TRIM35: variants seen among roughly 807,000 people sequenced by gnomAD.
The protein encoded by TRIM35 is tripartite motif containing 35.
Under a neutral mutation model 49.1 loss-of-function variants are expected in TRIM35, and 37 were observed. That is an observed-to-expected ratio of 0.75 (90% confidence interval 0.58 to 0.99). The LOEUF is 0.99. Ranked by LOEUF, TRIM35 falls within the 50% of genes least tolerant of loss-of-function variation. The pLI, the probability that TRIM35 is intolerant of heterozygous loss-of-function variation, is 0.00. For missense variants in TRIM35, 648 were observed against 702.7 expected (o/e 0.92, Z 0.88); for synonymous variants, 302 against 289.3 (o/e 1.04, Z -0.45).
At chr8:27,289,134 TG>T (rs1261788999) in intron 5 of TRIM35, 27 bp downstream of exon 5, 1 of 1,595,264 alleles carries the variant, frequency 6.3e-7, no homozygotes, top group Non-Finnish European at 8.6e-7. Flanking sequence ...CACCCATGCT[TG>T]GGACACCTGC....
intron 1 of TRIM35, among the ~76,000 whole-genome samples, chr8:27,299,968 AAGTGATAC>A (rs1430404310): frequency 2.0e-5 from 3 of 152,194 alleles, no homozygotes; most frequent in African/African-American, 7.2e-5. Flanking sequence ...AGAATGTGGC[AAGTGATAC>A]TAAGTCACCT....
intron 4 of TRIM35, among the ~76,000 whole-genome samples, 175 bp from the exon 5 acceptor site, chr8:27,289,455 A>G (rs1441155304): frequency 6.6e-6 from 1 of 152,242 alleles, no homozygotes; most frequent in Non-Finnish European, 1.5e-5. Flanking sequence ...GCCAAGGCCA[A>G]CAGGGCTGCC....
chr8:27,295,632 G>A (rs571962909), intron 2 of TRIM35, among the ~76,000 whole-genome samples: 2 of 152,314 alleles, frequency 1.3e-5, no homozygotes, highest in East Asian at 1.9e-4. Flanking sequence ...AAAGCACTGA[G>A]TGTCTCATGT....
In TRIM35 at chr8:27,287,369, C is replaced by G; in HGVS notation, c.*181G>C. 2.9e-6 allele frequency: 2 copies of G among 690,628 alleles called. No homozygotes were observed. The highest frequency in any genetic ancestry group is 4.7e-6 in the Non-Finnish European group (2 of 424,598). 42.8% of individuals were successfully genotyped at this position (690,628 alleles called of 1,614,324 possible). ...CCCGAATAGCTCCTGACCATGGGCACAGAAGGGACCAAACATGGAGAGAGG... is the reference window on the plus strand; with the variant it reads ...CCCGAATAGCTCCTGACCATGGGCAGAGAAGGGACCAAACATGGAGAGAGG... On this transcript the variant is annotated 3_prime_UTR_variant, in exon 6 of 6. Transcript: ENST00000305364. The surrounding 1 kb of genome is among the most constrained non-coding windows in gnomAD (Gnocchi z 6.0).
At position 27,287,918 on chromosome 8, in the gene TRIM35, C is replaced by A. The variant is rs775082529; in HGVS notation, c.1114G>T (p.Val372Leu). 6.2e-7 allele frequency: 1 copy of A among 1,612,930 alleles called. No homozygotes were observed. Among genetic ancestry groups the A allele is most frequent in the African/African-American group, 1.3e-5 (1 of 74,918 alleles). ...LGGLQSWRVG[V>L]VRVRQDSGAE... ...CCCGAGTCCTGGCGCACACGTACCA[C>A]GCCCACCCTCCAGCTCTGCAGCCCC... The change falls in exon 6 of 6, where the codon GTG becomes TTG. Residue 372 changes from valine to leucine, a missense_variant. Transcript: ENST00000305364. This position sits in a 1 kb window ranked among gnomAD's most constrained non-coding sequence, Gnocchi z 6.0.
At chr8:27,303,586 G>C (rs1802722581) in intron 1 of TRIM35, among the ~76,000 whole-genome samples, 1 of 152,252 alleles carries the variant, frequency 6.6e-6, no homozygotes, top group Admixed American at 6.5e-5. Context: ...GGCAGTAGCA[G>C]GGGCCCACAA....
rs767258025 is a variant in TRIM35, at chr8:27,298,489, T to C, written c.506A>G (p.Tyr169Cys). The C allele has an allele frequency of 1.6e-5, 26 of 1,614,124 alleles. No individual in the cohort carries two copies. In the Admixed American group the frequency reaches 2.7e-4, roughly 17 times the overall value. ...AKAFWAMRRS[Y>C]EAIAKHNQVE... ...CTGATTGTGCTTGGCGATGGCCTCA[T>C]AGGAGCGCCGCATGGCCCAGAAGGC... Residue 169 changes from tyrosine to cysteine, a missense_variant, in exon 2 of 6, where the codon TAT becomes TGT. By Grantham distance (194) the Tyr-to-Cys change is radical. Coordinates refer to ENST00000305364, the MANE Select transcript of TRIM35 (RefSeq NM_171982.5).
At chr8:27,290,310 A>G in intron 3 of TRIM35, 132 bp from the exon 4 acceptor site, 1 of 849,006 alleles carries the variant, frequency 1.2e-6, no homozygotes, top group Non-Finnish European at 1.9e-6. Flanking sequence ...TAACAATAAC[A>G]TCCCTGCTAT....
At position 27,287,582 on chromosome 8, in the gene TRIM35, G is replaced by C; in HGVS notation, c.1450C>G (p.His484Asp). ...PPEPLRICPL[H>D]ISVKEELDG ...TCCAGTTCTTCCTTGACACTGATGT[G>C]CAAGGGGCAGATGCGCAAAGGCTCT... The change falls in exon 6 of 6, where the codon CAC becomes GAC. Residue 484 changes from histidine to aspartate, a missense_variant. Transcript: ENST00000305364. The surrounding 1 kb of genome is among the most constrained non-coding windows in gnomAD (Gnocchi z 6.0). The C allele has an allele frequency of 1.9e-6, 3 of 1,599,156 alleles. No individual in the cohort carries two copies. The highest frequency in any genetic ancestry group is 2.6e-6 in the Non-Finnish European group (3 of 1,172,344).
At chr8:27,291,147 A>G (rs376464765) in intron 3 of TRIM35, among the ~76,000 whole-genome samples, 1 of 151,824 alleles carries the variant, frequency 6.6e-6, no homozygotes, top group South Asian at 2.1e-4. Flanking sequence ...AAAGACCTAC[A>G]TGAAGAGCTA....
intron 3 of TRIM35, among the ~76,000 whole-genome samples, chr8:27,291,236 A>G (rs963385480): frequency 6.6e-6 from 1 of 152,128 alleles, no homozygotes; most frequent in Non-Finnish European, 1.5e-5. Flanking sequence ...CACATTAAAA[A>G]TGGGCAAAGG....
Position 27,287,551 on chromosome 8 carries a change from C to G in TRIM35, c.1481G>C (p.Ter494SerextTer98). 6.4e-7 allele frequency: 1 copy of G among 1,572,902 alleles called. No individual in the cohort carries two copies. Among genetic ancestry groups the G allele is most frequent in the Non-Finnish European group, 8.6e-7 (1 of 1,158,468 alleles). Residue 494 changes from the stop codon to serine, a stop_lost, in exon 6 of 6, where the codon TGA becomes TCA. Transcript: ENST00000305364. The surrounding 1 kb of genome is among the most constrained non-coding windows in gnomAD (Gnocchi z 6.0). ...AGACCGGGGCAGCCCCGGGCCAGCT[C>G]AGCCATCCAGTTCTTCCTTGACACT... Reference protein sequence around the residue: ...HISVKEELDG* With the variant: ...HISVKEELDGS
intron 3 of TRIM35, among the ~76,000 whole-genome samples, chr8:27,293,422 A>T (rs1338386958): frequency 6.6e-6 from 1 of 152,242 alleles, no homozygotes; most frequent in Non-Finnish European, 1.5e-5. Context: ...AAGAAGACAG[A>T]AAGCCAAGGC....
At position 27,287,922 on chromosome 8, in the gene TRIM35, C is replaced by G. The variant is rs753518283; in HGVS notation, c.1110G>C (p.Val370=). 4.3e-6 allele frequency: 7 copies of G among 1,613,054 alleles called. No homozygotes were observed. In the South Asian group the frequency reaches 7.7e-5, roughly 18 times the overall value. The change falls in exon 6 of 6, where the codon GTG becomes GTC. Residue 370 remains valine, a synonymous_variant. Coordinates refer to ENST00000305364, the MANE Select transcript of TRIM35 (RefSeq NM_171982.5). The surrounding 1 kb of genome is among the most constrained non-coding windows in gnomAD (Gnocchi z 6.0). The part of the protein sequence containing the change: ...VALGGLQSWR[V]GVVRVRQDSG... Reference sequence around the variant, plus strand: ...AGTCCTGGCGCACACGTACCACGCCCACCCTCCAGCTCTGCAGCCCCCCAA... The same window carrying G: ...AGTCCTGGCGCACACGTACCACGCCGACCCTCCAGCTCTGCAGCCCCCCAA...
At chr8:27,300,268 C>T (rs1802655884) in intron 1 of TRIM35, among the ~76,000 whole-genome samples, 1 of 152,242 alleles carries the variant, frequency 6.6e-6, no homozygotes, top group African/African-American at 2.4e-5. Flanking sequence ...CCTACAGCCC[C>T]TCATGACAGA....
chr8:27,307,901 C>A (rs972985896), intron 1 of TRIM35, among the ~76,000 whole-genome samples: 5 of 152,164 alleles, frequency 3.3e-5, no homozygotes, highest in Non-Finnish European at 5.9e-5. Context: ...TCTTGTATGG[C>A]AAAAGGGACT....
Position 27,298,465 on chromosome 8 carries a change from T to C in TRIM35, c.530A>G (p.Gln177Arg). The stretch of plus-strand genomic sequence containing the variant: ...CACTTGGCCCCATCGTTCGCTCACC[T>C]GATTGTGCTTGGCGATGGCCTCATA... ...RSYEAIAKHN[Q>R]VEAAWLEGRI... The change falls in exon 2 of 6, where the codon CAG (glutamine) becomes CGG (arginine). Residue 177 changes from glutamine (Q) to arginine (R), a missense_variant and splice_region_variant. Transcript: ENST00000305364. 6.2e-7 allele frequency: 1 copy of C among 1,614,124 alleles called. No individual in the cohort carries two copies. Among genetic ancestry groups the C allele is most frequent in the Non-Finnish European group, 8.5e-7 (1 of 1,180,002 alleles).
At chr8:27,292,632 G>C (rs1802478154) in intron 3 of TRIM35, among the ~76,000 whole-genome samples, 1 of 152,180 alleles carries the variant, frequency 6.6e-6, no homozygotes, top group African/African-American at 2.4e-5. Flanking sequence ...TGGTTGCCAG[G>C]GGCTGCTAAT....
At chr8:27,308,873 GATCC>G (rs1170062990) in intron 1 of TRIM35, among the ~76,000 whole-genome samples, 4 of 152,280 alleles carry the variant, frequency 2.6e-5, no homozygotes, top group South Asian at 2.1e-4. Flanking sequence ...CGGCCTCCTG[GATCC>G]TCCTGCACGT....
Sources: gnomAD v4.1 joint callset for allele counts (sites outside exome capture counted in the v4.1 genomes callset) on GRCh38, gnomAD v4.1.1 for gene constraint, Gnocchi (gnomAD v3.1) non-coding constraint, MANE v1.5 for transcripts, NCBI Gene and HGNC (gene_info 2026-07-23, HGNC 2026-07-21) for gene names.